IQCM: variants seen among roughly 807,000 people sequenced by gnomAD.
IQCM encodes the protein IQ domain-containing protein M.
A neutral mutation model predicts 57.6 loss-of-function variants in IQCM; 45 were observed. That is an observed-to-expected ratio of 0.78 (90% CI 0.62 to 1.00). The LOEUF is 1.00. Ranked by LOEUF, IQCM falls within the 50% of genes least tolerant of loss-of-function variation. The pLI is 0.00. For synonymous variants in IQCM, 148 were observed against 158.9 expected (o/e 0.93, Z 0.51); for missense variants, 468 against 511.6 (o/e 0.91, Z 0.82).
At chr4:149,803,814 G>A (rs1773831751) in intron 2 of IQCM, among the ~76,000 whole-genome samples, 1 of 151,996 alleles carries the variant, frequency 6.6e-6, no homozygotes, top group South Asian at 2.1e-4. Flanking sequence ...CTTAAATAGG[G>A]TCTGAGATGT....
intron 12 of IQCM, among the ~76,000 whole-genome samples, chr4:149,471,537 G>T (rs891103351): frequency 4.6e-5 from 7 of 152,124 alleles, no homozygotes; most frequent in Admixed American, 1.3e-4. Context: ...TCTACCAGAG[G>T]TACAAAGAGG....
chr4:149,568,837 A>C (rs1408046297), intron 9 of IQCM, among the ~76,000 whole-genome samples: 1 of 152,172 alleles, frequency 6.6e-6, no homozygotes, highest in Non-Finnish European at 1.5e-5. Context: ...AGCACAGTGC[A>C]GTATATTGAT....
At chr4:149,592,855 T>C (rs1382783584) in intron 8 of IQCM, among the ~76,000 whole-genome samples, 2 of 152,220 alleles carry the variant, frequency 1.3e-5, no homozygotes, top group African/African-American at 4.8e-5. Context: ...TTTTGGTTAC[T>C]GTAGCCTTGT....
intron 13 of IQCM, among the ~76,000 whole-genome samples, chr4:149,372,409 T>C (rs115258678): frequency 2.3e-3 from 345 of 152,224 alleles, no homozygotes; most frequent in Middle Eastern, 3.4e-3. Context: ...GGGATGTGCC[T>C]GCTAAACCCA....
rs563788188 is a variant in IQCM, at chr4:149,589,686, T to G, written c.682-1689A>C. ...ACAACAATAACCCGGAAAATTGTTG[T>G]GCATCATCTCTCAATATTTGTTACA... On this transcript the variant is annotated intron_variant, in intron 8 of 13. Transcript: ENST00000636793. 5.3e-5 allele frequency among the ~76,000 whole-genome samples: 8 copies of G among 152,136 alleles called. No individual in the cohort carries two copies. The South Asian group carries it at 1.7e-3, about 31-fold the overall frequency.
intron 7 of IQCM, among the ~76,000 whole-genome samples, chr4:149,678,949 G>A (rs1579970928): frequency 6.6e-6 from 1 of 151,618 alleles, no homozygotes; most frequent in African/African-American, 2.4e-5. Flanking sequence ...AATTAGTACA[G>A]ACATTATTCA....
At chr4:149,370,630 T>A (rs1365021347) in intron 13 of IQCM, among the ~76,000 whole-genome samples, 2 of 152,008 alleles carry the variant, frequency 1.3e-5, no homozygotes, top group Non-Finnish European at 2.9e-5. Flanking sequence ...AAAAAGAGTG[T>A]GCTGGCTCTG....
chr4:149,523,823 G>GA (rs1432874672), intron 12 of IQCM, among the ~76,000 whole-genome samples: 1 of 151,992 alleles, frequency 6.6e-6, no homozygotes, highest in Non-Finnish European at 1.5e-5. Context: ...ATAATATAAA[G>GA]AAAAATCCAA....
intron 7 of IQCM, among the ~76,000 whole-genome samples, chr4:149,628,893 C>T (rs191702117): frequency 7.2e-5 from 11 of 152,108 alleles, no homozygotes; most frequent in Admixed American, 7.2e-4. Flanking sequence ...AATAATAGAC[C>T]ACCAACAGAA....
chr4:149,511,954 G>T (rs1285071586), intron 12 of IQCM, among the ~76,000 whole-genome samples: 1 of 151,900 alleles, frequency 6.6e-6, no homozygotes, highest in Admixed American at 6.6e-5. Flanking sequence ...AATATTTATT[G>T]TATACCTCCT....
At chr4:149,438,114 T>C (rs556829324) in intron 12 of IQCM, among the ~76,000 whole-genome samples, 1 of 152,212 alleles carries the variant, frequency 6.6e-6, no homozygotes, top group Non-Finnish European at 1.5e-5. Flanking sequence ...GTTACTGAAG[T>C]CAATTTTTAA....
At chr4:149,554,156 A>C (rs1423964250) in intron 10 of IQCM, among the ~76,000 whole-genome samples, 1 of 151,856 alleles carries the variant, frequency 6.6e-6, no homozygotes, top group African/African-American at 2.4e-5. Flanking sequence ...TTTTTCGCTG[A>C]GTTGGCTTTC....
chr4:149,423,304 G>T (rs936190692), intron 13 of IQCM, among the ~76,000 whole-genome samples: 3 of 152,002 alleles, frequency 2.0e-5, no homozygotes, highest in Non-Finnish European at 4.4e-5. Flanking sequence ...AAAGCCATCA[G>T]ATCTCGTGAG....
intron 7 of IQCM, among the ~76,000 whole-genome samples, chr4:149,630,378 A>C (rs1757159088): frequency 6.6e-6 from 1 of 152,176 alleles, no homozygotes. Context: ...AGTACAAATG[A>C]TTGTTATGGT....
At chr4:149,530,600 T>C (rs1268440765) in intron 12 of IQCM, among the ~76,000 whole-genome samples, 2 of 152,210 alleles carry the variant, frequency 1.3e-5, no homozygotes, top group African/African-American at 2.4e-5. Context: ...AAATTCTTAA[T>C]TAAATCTATT....
At position 149,437,140 on chromosome 4, in the gene IQCM, A is replaced by G. The variant is rs1297394805; in HGVS notation, c.1229-3583T>C. ...AAGCCTTTCTTTTAAACCACAATGC[A>G]TATTGTTTTAACCAATGGTTCCTGG... On this transcript the variant is annotated intron_variant, in intron 12 of 13. Coordinates refer to ENST00000636793, the MANE Select transcript of IQCM (RefSeq NM_001363507.2). Among the ~76,000 whole-genome samples the G allele has an allele frequency of 5.3e-5, 8 of 152,110 alleles. No individual in the cohort carries two copies. The South Asian group carries it at 8.3e-4, about 16-fold the overall frequency.
intron 2 of IQCM, among the ~76,000 whole-genome samples, chr4:149,747,853 C>G (rs1436013151): frequency 6.6e-6 from 1 of 152,098 alleles, no homozygotes; most frequent in Non-Finnish European, 1.5e-5. Context: ...TACCCAGAAC[C>G]AGGAAGTGGG....
intron 9 of IQCM, among the ~76,000 whole-genome samples, chr4:149,583,601 T>A (rs1398556561): frequency 6.6e-6 from 1 of 151,624 alleles, no homozygotes; most frequent in African/African-American, 2.4e-5. Flanking sequence ...CAAAAGAGTG[T>A]TTTATTCATG....
intron 7 of IQCM, among the ~76,000 whole-genome samples, chr4:149,671,061 C>T (rs946530516): frequency 1.3e-5 from 2 of 151,758 alleles, no homozygotes; most frequent in Non-Finnish European, 2.9e-5. Flanking sequence ...AGAAGGAATG[C>T]TACCAGCTCC....
Sources: gnomAD v4.1 joint callset for allele counts (sites outside exome capture counted in the v4.1 genomes callset) on GRCh38, gnomAD v4.1.1 for gene constraint, MANE v1.5 for transcripts, NCBI Gene and HGNC (gene_info 2026-07-23, HGNC 2026-07-21) for gene names.